The following FSHR variants were observed in gnomAD, a reference collection of about 807,000 sequenced individuals.
The protein encoded by FSHR is follicle stimulating hormone receptor, also known as follicle-stimulating hormone receptor.
In FSHR, 46 loss-of-function variants were observed where a neutral mutation model predicts 52.1. That is an observed-to-expected ratio of 0.88 (90% confidence interval 0.70 to 1.13). The LOEUF is 1.13. Among genes scored for constraint, FSHR ranks in the 50% most tolerant of loss-of-function variants. The pLI is 0.00. For synonymous variants in FSHR, 399 were observed against 309.6 expected, an observed-to-expected ratio of 1.29 and a Z score of -3.03; for missense variants, 964 against 834.6, an observed-to-expected ratio of 1.16 and a Z score of -1.91.
intron 1 of FSHR, among the ~76,000 whole-genome samples, chr2:49,094,773 A>G (rs1249879774): frequency 6.6e-6 from 1 of 152,156 alleles, no homozygotes; most frequent in Non-Finnish European, 1.5e-5. Context: ...AACAGAAGAA[A>G]TAACAATAAA....
intron 9 of FSHR, 78 bp downstream of exon 9, chr2:48,968,620 T>C (rs757843103): frequency 9.2e-6 from 14 of 1,523,462 alleles, no homozygotes; most frequent in Non-Finnish European, 3.6e-6. Context: ...ATTCTCTTCA[T>C]GTCACAGATA....
chr2:49,042,918 G>A (rs189176287), intron 2 of FSHR, among the ~76,000 whole-genome samples: 14 of 152,222 alleles, frequency 9.2e-5, no homozygotes, highest in African/African-American at 2.6e-4. Context: ...ACCAGGCACC[G>A]TCTATTTTTT....
chr2:49,082,281 G>T (rs1340143156), intron 1 of FSHR, among the ~76,000 whole-genome samples: 1 of 152,104 alleles, frequency 6.6e-6, no homozygotes, highest in Non-Finnish European at 1.5e-5. Flanking sequence ...CTGCAGCTGA[G>T]GGTCCTGTCT....
chr2:48,962,460 A>G lies in FSHR; in HGVS notation c.*273T>C, dbSNP rs1324071871. 4.8e-6 allele frequency: 2 copies of G among 414,412 alleles called. No individual in the cohort carries two copies. The highest frequency in any genetic ancestry group is 2.0e-5 in the African/African-American group (1 of 49,416). 25.7% of individuals were successfully genotyped at this position (414,412 alleles called of 1,614,324 possible). A position where few individuals can be genotyped will look rare whatever the true frequency, so the allele number is the denominator to read the frequency against. On this transcript the variant is annotated 3_prime_UTR_variant, in exon 10 of 10. Coordinates refer to ENST00000406846, the MANE Select transcript of FSHR (RefSeq NM_000145.4). ...GGATCACTTGAGATATCTGAACAAA[A>G]GCACTTTGAACATAACGTGCAAAAA...
At chr2:48,972,598 T>A (rs888197106) in intron 8 of FSHR, among the ~76,000 whole-genome samples, 7 of 152,238 alleles carry the variant, frequency 4.6e-5, no homozygotes, top group Non-Finnish European at 1.0e-4. Context: ...CTGTTTTCTG[T>A]GACTGAGTTC....
chr2:49,061,317 C>A (rs569693978), intron 2 of FSHR, among the ~76,000 whole-genome samples: 2 of 151,914 alleles, frequency 1.3e-5, no homozygotes, highest in Admixed American at 6.6e-5. Flanking sequence ...ACACCTCTCA[C>A]CTGTAAAGAC....
chr2:49,017,818 C>T (rs563700162), intron 3 of FSHR, among the ~76,000 whole-genome samples: 23 of 152,162 alleles, frequency 1.5e-4, no homozygotes, highest in African/African-American at 2.4e-4. Context: ...GGGCCCTGTC[C>T]GCTGGAGGCA....
At chr2:49,108,993 G>T (rs143970304) in intron 1 of FSHR, among the ~76,000 whole-genome samples, 1 of 152,150 alleles carries the variant, frequency 6.6e-6, no homozygotes, top group Non-Finnish European at 1.5e-5. Flanking sequence ...CATTAAGCAC[G>T]CCTGCTGGGC....
At chr2:48,978,143 G>A (rs1675075290) in intron 8 of FSHR, among the ~76,000 whole-genome samples, 1 of 152,176 alleles carries the variant, frequency 6.6e-6, no homozygotes, top group Non-Finnish European at 1.5e-5. Context: ...AAGAGAGACT[G>A]CATGGGTAGG....
chr2:49,033,486 G>A (rs1429179193), intron 2 of FSHR, among the ~76,000 whole-genome samples: 2 of 152,180 alleles, frequency 1.3e-5, no homozygotes, highest in African/African-American at 4.8e-5. Context: ...AGTAGTAGCT[G>A]AAAGGGGAGT....
Position 49,154,414 on chromosome 2 carries a change from C to T in FSHR, c.4G>A (p.Ala2Thr). 4 of 1,612,324 alleles carry T rather than the reference C, an allele frequency of 2.5e-6. No individual in the cohort carries two copies. Among genetic ancestry groups the T allele is most frequent in the South Asian group, 2.2e-5 (2 of 90,994 alleles). The change falls in exon 1 of 10, where the codon GCC becomes ACC. Residue 2 changes from alanine (A) to threonine (T), a missense_variant. Ala to Thr is a moderately conservative substitution (Grantham distance 58). Coordinates refer to ENST00000406846, the MANE Select transcript of FSHR (RefSeq NM_000145.4). ...GCCAGCAAAGAGACCAGGAGCAGGG[C>T]CATAATTATGCATCCATCCACCTGA... M[A>T]LLLVSLLAFL...
intron 1 of FSHR, among the ~76,000 whole-genome samples, chr2:49,118,112 T>G (rs190454507): frequency 6.6e-6 from 1 of 152,014 alleles, no homozygotes; most frequent in South Asian, 2.1e-4. Flanking sequence ...TGATGGATGG[T>G]TGGGGGGAAA....
chr2:49,137,857 G>A (rs777614590), intron 1 of FSHR, among the ~76,000 whole-genome samples: 5 of 152,092 alleles, frequency 3.3e-5, no homozygotes, highest in Non-Finnish European at 4.4e-5. Flanking sequence ...TCAGAAGAAT[G>A]CATAAAGATA....
intron 1 of FSHR, among the ~76,000 whole-genome samples, chr2:49,141,431 C>A (rs757742679): frequency 6.6e-6 from 1 of 151,930 alleles, no homozygotes; most frequent in Non-Finnish European, 1.5e-5. Flanking sequence ...AACAGGAATC[C>A]CACGTGGCAG....
chr2:49,007,374 T>A (rs1342505016), intron 4 of FSHR, among the ~76,000 whole-genome samples: 2 of 152,062 alleles, frequency 1.3e-5, no homozygotes, highest in Non-Finnish European at 2.9e-5. Flanking sequence ...CAACAAAGGA[T>A]GATAAGTGTT....
rs1055380592 is a variant in FSHR, at chr2:48,962,612, G to A, written c.*121C>T. ...AGTTCCTGACCAATTTACCTTAAAG[G>A]TATGCCAGGAATATTAAATTAGATG... On this transcript the variant is annotated 3_prime_UTR_variant, in exon 10 of 10. Coordinates refer to ENST00000406846, the MANE Select transcript of FSHR (RefSeq NM_000145.4). 9 of 1,006,942 alleles carry A rather than the reference G, an allele frequency of 8.9e-6. No individual in the cohort carries two copies. Among genetic ancestry groups the A allele is most frequent in the Non-Finnish European group, 1.4e-5 (9 of 659,412 alleles). The allele number at this position is 1,006,942 out of a possible 1,614,324, so 62.4% of individuals were successfully genotyped here. A position where few individuals can be genotyped will look rare whatever the true frequency, so the allele number is the denominator to read the frequency against.
At chr2:49,032,653 T>C (rs1345281207) in intron 2 of FSHR, among the ~76,000 whole-genome samples, 1 of 152,160 alleles carries the variant, frequency 6.6e-6, no homozygotes, top group Non-Finnish European at 1.5e-5. Flanking sequence ...GTTATTTTGT[T>C]TGCTAGTGAA....
chr2:49,024,329 CT>C, intron 2 of FSHR, among the ~76,000 whole-genome samples: 1 of 151,940 alleles, frequency 6.6e-6, no homozygotes, highest in African/African-American at 2.4e-5. Context: ...AATCCCAGTA[CT>C]TTTGGAGGCT....
chr2:49,115,575 A>C (rs529458610), intron 1 of FSHR, among the ~76,000 whole-genome samples: 27 of 152,266 alleles, frequency 1.8e-4, no homozygotes, highest in African/African-American at 6.3e-4. Flanking sequence ...TATTTTAGGT[A>C]ATTTTTTTAG....
Sources: allele counts gnomAD v4.1 joint callset (sites outside exome capture counted in the v4.1 genomes callset), GRCh38; gene constraint gnomAD v4.1.1; transcripts MANE v1.5; gene names NCBI Gene and HGNC (gene_info 2026-07-23, HGNC 2026-07-21).